GANC: variants seen among roughly 807,000 people sequenced by gnomAD.
GANC encodes the protein neutral alpha-glucosidase C.
A neutral mutation model predicts 124.2 loss-of-function variants in GANC; 117 were observed. The observed-to-expected ratio is 0.94, with a 90% CI of 0.81 to 1.10. The LOEUF (loss-of-function observed/expected upper bound fraction) is 1.10, where lower values mean the gene tolerates loss of function less well. Ranked by LOEUF, GANC falls within the 50% of genes least tolerant of loss-of-function variation. GANC has a pLI of 0.00. For synonymous variants in GANC, 377 were observed against 376.8 expected, an observed-to-expected ratio of 1.00 and a Z score of -0.01; for missense variants, 1,140 against 1,095.0, an observed-to-expected ratio of 1.04 and a Z score of -0.58.
chr15:42,297,490 A>G, intron 5 of GANC, 121 bp from the exon 6 acceptor site: 1 of 627,046 alleles, frequency 1.6e-6, no homozygotes, highest in Non-Finnish European at 2.8e-6. Context: ...ATGATGTTAT[A>G]TTTAATACAT....
chr15:42,352,968 T>G lies in GANC; in HGVS notation c.*829T>G. 1 of 600,674 alleles carries G rather than the reference T, an allele frequency of 1.7e-6. No homozygotes were observed. The highest frequency in any genetic ancestry group is 2.1e-6 in the Non-Finnish European group (1 of 478,558). The allele number at this position is 600,674 out of a possible 1,614,324, so 37.2% of individuals were successfully genotyped here. ...TGTAAGGGATGCCAAAAAAATACAGTAATCAAAGTAAGTAATATTTCAATC... is the reference window on the plus strand; with the variant it reads ...TGTAAGGGATGCCAAAAAAATACAGGAATCAAAGTAAGTAATATTTCAATC... On this transcript the variant is annotated 3_prime_UTR_variant, in exon 24 of 24. Coordinates refer to ENST00000318010, the MANE Select transcript of GANC (RefSeq NM_198141.3).
At chr15:42,303,947 GA>G (rs1215468278) in intron 6 of GANC, among the ~76,000 whole-genome samples, 1 of 152,046 alleles carries the variant, frequency 6.6e-6, no homozygotes, top group East Asian at 1.9e-4. Flanking sequence ...ACAGATTAAC[GA>G]GACAGAAAAT....
At chr15:42,286,455 T>C (rs1381182457) in intron 3 of GANC, among the ~76,000 whole-genome samples, 4 of 152,224 alleles carry the variant, frequency 2.6e-5, no homozygotes, top group Admixed American at 6.5e-5. Context: ...TCTAACAGAA[T>C]TTGAACTTTG....
chr15:42,298,455 T>C (rs930883757), intron 6 of GANC, among the ~76,000 whole-genome samples: 31 of 152,198 alleles, frequency 2.0e-4, no homozygotes, highest in Non-Finnish European at 5.9e-5. Context: ...AAGTCCCCCA[T>C]TTATCATGCA....
rs1566947388 is a variant in GANC, at chr15:42,276,387, CTG to C, written c.71_72del (p.Cys24Ter). On this transcript the variant is annotated frameshift_variant, in exon 2 of 24. Coordinates refer to ENST00000318010, the MANE Select transcript of GANC (RefSeq NM_198141.3). LOFTEE classifies it high-confidence loss of function. Reference sequence around the variant, plus strand: ...CTGTAGATAAAAACATTTTCAGAGACTGTAACAAGATCGCATTTTACAGGTAA... The same window carrying C: ...CTGTAGATAAAAACATTTTCAGAGACTAACAAGATCGCATTTTACAGGTAA... ...EAVDKNIFRD[C>X]NKIAFYRRQK... 2 of 1,438,678 alleles carry C rather than the reference CTG, an allele frequency of 1.4e-6. No individual in the cohort carries two copies. The highest frequency in any genetic ancestry group is 1.7e-5 in the Admixed American group (1 of 58,876). 89.1% of individuals were successfully genotyped at this position (1,438,678 alleles called of 1,614,324 possible). A position where few individuals can be genotyped will look rare whatever the true frequency, so the allele number is the denominator to read the frequency against.
chr15:42,302,734 C>A (rs1254738547), intron 6 of GANC, among the ~76,000 whole-genome samples: 2 of 151,676 alleles, frequency 1.3e-5, no homozygotes, highest in African/African-American at 4.8e-5. Context: ...CCAAACTGAT[C>A]AAGTGGAAGA....
intron 7 of GANC, among the ~76,000 whole-genome samples, chr15:42,307,924 A>G (rs151069846): frequency 6.6e-6 from 1 of 152,358 alleles, no homozygotes; most frequent in East Asian, 1.9e-4. Context: ...AAAACTTTGT[A>G]ATGATGTTTT....
At chr15:42,275,643 A>T (rs1370049539) in intron 1 of GANC, among the ~76,000 whole-genome samples, 1 of 152,090 alleles carries the variant, frequency 6.6e-6, no homozygotes, top group African/African-American at 2.4e-5. Context: ...TTAAATACAT[A>T]TACTCAAACT....
intron 6 of GANC, among the ~76,000 whole-genome samples, chr15:42,305,588 A>G (rs2051987511): frequency 6.6e-6 from 1 of 152,250 alleles, no homozygotes; most frequent in African/African-American, 2.4e-5. Flanking sequence ...CAGCCATCCC[A>G]TTACTGGGTA....
At chr15:42,317,290 T>C (rs1009340635) in intron 10 of GANC, among the ~76,000 whole-genome samples, 5 of 61,320 alleles carry the variant, frequency 8.2e-5, no homozygotes, top group Non-Finnish European at 2.0e-4. Context: ...CTTGAAAATA[T>C]GGAAAATGAA....
intron 11 of GANC, among the ~76,000 whole-genome samples, chr15:42,325,492 A>C (rs1412022127): frequency 1.3e-5 from 2 of 152,038 alleles, no homozygotes; most frequent in African/African-American, 4.8e-5. Context: ...CTTTTCTCAA[A>C]TCTCCTTCCT....
At chr15:42,310,076 A>T (rs17695121) in intron 8 of GANC, among the ~76,000 whole-genome samples, 1 of 152,108 alleles carries the variant, frequency 6.6e-6, no homozygotes. Flanking sequence ...GTATGTGCTA[A>T]TGTCACAGGA....
Position 42,341,524 on chromosome 15 carries a change from A to G in GANC, c.2152+770A>G, listed in dbSNP as rs549345135. 9.1e-4 allele frequency among the ~76,000 whole-genome samples: 139 copies of G among 152,252 alleles called. 3 individuals are homozygous for G. In the South Asian group the frequency reaches 0.028, roughly 31 times the overall value. ...GTAGCAGGGCTCAAGAAGCCAGGCT[A>G]AATATACTGTTCCCCAAAGGGTGAC... On this transcript the variant is annotated intron_variant, in intron 18 of 23. Transcript: ENST00000318010.
intron 13 of GANC, among the ~76,000 whole-genome samples, chr15:42,328,113 G>T (rs374556922): frequency 1.3e-5 from 2 of 152,198 alleles, no homozygotes; most frequent in South Asian, 2.1e-4. Context: ...CCAAGGTCAT[G>T]CATCTAGTAA....
intron 13 of GANC, 80 bp downstream of exon 13, chr15:42,327,522 C>G: frequency 8.9e-7 from 1 of 1,122,418 alleles, no homozygotes; most frequent in East Asian, 2.4e-5. Context: ...TAAAACTATT[C>G]TTTTTCATTG....
At chr15:42,292,377 G>GCT (rs2051848424) in intron 4 of GANC, among the ~76,000 whole-genome samples, 2 of 148,298 alleles carry the variant, frequency 1.3e-5, no homozygotes, top group Non-Finnish European at 3.0e-5. Flanking sequence ...TTTACTGTGT[G>GCT]TTTTTTTTTT....
intron 22 of GANC, among the ~76,000 whole-genome samples, chr15:42,350,440 A>G (rs894635744): frequency 6.6e-6 from 1 of 152,064 alleles, no homozygotes; most frequent in Admixed American, 6.5e-5. Flanking sequence ...TTTGATTATA[A>G]TATCCAAGTC....
rs570424301 is a variant in GANC at position 42,338,003 on chromosome 15, A to C, written c.1742-386A>C. Among the ~76,000 whole-genome samples, 411 of 152,162 alleles carry C rather than the reference A, an allele frequency of 2.7e-3. 1 individual carries two copies. The highest frequency in any genetic ancestry group is 9.5e-3 in the African/African-American group (396 of 41,516). On this transcript the variant is annotated intron_variant, in intron 15 of 23. Transcript: ENST00000318010. ...TTGAACCCTGGGAGGCAAAGGTTGCAGTGAGCCGAGATCACGGCACTGCAC... is the reference window on the plus strand; with the variant it reads ...TTGAACCCTGGGAGGCAAAGGTTGCCGTGAGCCGAGATCACGGCACTGCAC...
chr15:42,310,621 G>A (rs2052041563), intron 9 of GANC, 72 bp from the exon 10 acceptor site: 1 of 1,560,678 alleles, frequency 6.4e-7, no homozygotes, highest in Non-Finnish European at 8.7e-7. Flanking sequence ...GGATCAGACT[G>A]TTACTTATAT....
Sources: allele counts gnomAD v4.1 joint callset (sites outside exome capture counted in the v4.1 genomes callset), GRCh38; gene constraint gnomAD v4.1.1; transcripts MANE v1.5; gene names NCBI Gene and HGNC (gene_info 2026-07-23, HGNC 2026-07-21).